Variants in TRIM5 observed in about 807,000 individuals in gnomAD.
TRIM5 encodes the protein tripartite motif containing 5.
TRIM5 carries 31 observed loss-of-function variants against 35.6 expected under a neutral mutation model. The observed-to-expected ratio is 0.87, with a 90% CI of 0.65 to 1.18. TRIM5 has a LOEUF of 1.18. Ranked by LOEUF, TRIM5 falls within the 50% of genes most tolerant of loss-of-function variation. The pLI is 0.00. For synonymous variants in TRIM5, 243 were observed against 215.6 expected (o/e 1.13, Z -1.11); for missense variants, 609 against 591.6 (o/e 1.03, Z -0.31).
At chr11:5,683,078 C>T (rs1187889756) in intron 1 of TRIM5, among the ~76,000 whole-genome samples, 1 of 152,246 alleles carries the variant, frequency 6.6e-6, no homozygotes, top group African/African-American at 2.4e-5. Context: ...CAGTGAGCGG[C>T]TTAGCACCTG....
At chr11:5,596,616 C>G in the TRIM5 span, 2 of 293,592 alleles carry the variant, frequency 6.8e-6, no homozygotes, top group South Asian at 7.5e-5. Context: ...ATCCCCCACC[C>G]CAGGCGGCCC....
Position 5,665,178 on chromosome 11 carries a change from C to A in TRIM5, c.1113G>T (p.Trp371Cys). The change falls in exon 8 of 8, where the codon TGG becomes TGT. Residue 371 changes from tryptophan to cysteine, a missense_variant. Physicochemically the swap from Trp to Cys is radical, Grantham distance 215 (BLOSUM62 -2). Coordinates refer to ENST00000380034, the MANE Select transcript of TRIM5 (RefSeq NM_033034.3). ...GGAAGCCAGCACATACCCCCAGGAT[C>A]CAAGCAGTTTTCTTGGACACGTCTA... ...WEVDVSKKTA[W>C]ILGVCAGFQP... 3.7e-6 allele frequency: 6 copies of A among 1,614,058 alleles called. No individual in the cohort carries two copies. Among genetic ancestry groups the A allele is most frequent in the Non-Finnish European group, 4.2e-6 (5 of 1,179,966 alleles).
intron 1 of TRIM5, among the ~76,000 whole-genome samples, chr11:5,681,690 C>T (rs995329984): frequency 1.5e-5 from 2 of 133,580 alleles, no homozygotes; most frequent in Non-Finnish European, 1.6e-5. Flanking sequence ...TCGATTCCTT[C>T]GTTATCTTGT....
At chr11:5,679,299 G>A (rs1297256036) in intron 2 of TRIM5, 130 bp from the exon 3 acceptor site, 1 of 782,102 alleles carries the variant, frequency 1.3e-6, no homozygotes, top group Admixed American at 2.3e-5. Context: ...ATGGCAATGA[G>A]AATCCATGAC....
the TRIM5 span, among the ~76,000 whole-genome samples, chr11:5,597,664 C>G: frequency 0.5 from 75,449 of 151,972 alleles, 19,153 homozygotes; most frequent in Middle Eastern, 0.71. Flanking sequence ...CTCTGTCATT[C>G]CTAACTCTGA....
the TRIM5 span, chr11:5,603,744 C>T: frequency 1.2e-6 from 2 of 1,611,686 alleles, no homozygotes; most frequent in Admixed American, 3.3e-5. Flanking sequence ...AGGTGAGACC[C>T]CAGGATGGAA....
At chr11:5,643,534 G>A in the TRIM5 span, 3 of 1,614,162 alleles carry the variant, frequency 1.9e-6, no homozygotes, top group Non-Finnish European at 2.5e-6. Flanking sequence ...GTGCCTCCCT[G>A]CCGTGTTGGG....
the TRIM5 span, among the ~76,000 whole-genome samples, chr11:5,623,370 T>A: frequency 1.3e-5 from 2 of 151,892 alleles, no homozygotes; most frequent in Admixed American, 6.6e-5. Flanking sequence ...TGTTTATTTT[T>A]ATTTTTTTAT....
At chr11:5,676,465 A>G (rs1406187099) in intron 4 of TRIM5, among the ~76,000 whole-genome samples, 1 of 152,236 alleles carries the variant, frequency 6.6e-6, no homozygotes, top group East Asian at 1.9e-4. Flanking sequence ...GAGGATACAA[A>G]CAAATGGAAG....
chr11:5,635,395 C>T, the TRIM5 span, among the ~76,000 whole-genome samples: 9 of 151,952 alleles, frequency 5.9e-5, no homozygotes, highest in Non-Finnish European at 2.9e-5. Context: ...GCTGGGACTA[C>T]AGGCACCCAC....
chr11:5,604,403 C>T, the TRIM5 span: 49 of 973,184 alleles, frequency 5.0e-5, no homozygotes, highest in Non-Finnish European at 6.6e-5. Flanking sequence ...TGTTGGCCCT[C>T]TCAAGTTTTC....
chr11:5,618,629 AAG>A, the TRIM5 span, among the ~76,000 whole-genome samples: 4 of 152,218 alleles, frequency 2.6e-5, no homozygotes, highest in Non-Finnish European at 5.9e-5. Flanking sequence ...AGGGTAAAAG[AAG>A]AGAGAAAATT....
chr11:5,638,559 G>C, the TRIM5 span, among the ~76,000 whole-genome samples: 1 of 152,232 alleles, frequency 6.6e-6, no homozygotes, highest in Non-Finnish European at 1.5e-5. Context: ...CAGTGGTGAT[G>C]ATGGGGGAAT....
At chr11:5,665,786 G>T in intron 6 of TRIM5, 104 bp from the exon 7 acceptor site, 1 of 1,445,050 alleles carries the variant, frequency 6.9e-7, no homozygotes, top group South Asian at 1.6e-5. Context: ...CCTATGGTAG[G>T]GCAGTAAATT....
At chr11:5,643,631 C>G in the TRIM5 span, 2 of 1,614,084 alleles carry the variant, frequency 1.2e-6, no homozygotes, top group East Asian at 4.5e-5. Flanking sequence ...CTAAATGTTG[C>G]TTTTCTCAGC....
chr11:5,615,931 T>TGA, the TRIM5 span, among the ~76,000 whole-genome samples: 1 of 134,096 alleles, frequency 7.5e-6, no homozygotes, highest in Non-Finnish European at 1.6e-5. Context: ...ACATATCTTT[T>TGA]CATTTTTTTT....
chr11:5,634,995 T>C, the TRIM5 span: 2 of 839,868 alleles, frequency 2.4e-6, no homozygotes, highest in Non-Finnish European at 3.5e-6. Context: ...CTAGATGTCA[T>C]GGACATGAAT....
the TRIM5 span, among the ~76,000 whole-genome samples, chr11:5,598,474 A>C: frequency 1.3e-5 from 2 of 152,352 alleles, no homozygotes; most frequent in African/African-American, 4.8e-5. Flanking sequence ...GAATGAAGCC[A>C]CATATGTAAT....
the TRIM5 span, among the ~76,000 whole-genome samples, chr11:5,620,599 T>C: frequency 1.3e-5 from 2 of 152,182 alleles, no homozygotes; most frequent in Non-Finnish European, 2.9e-5. Context: ...TCTACTTCTG[T>C]AGTAATTCTC....
Sources: allele counts gnomAD v4.1 joint callset (sites outside exome capture counted in the v4.1 genomes callset), GRCh38; gene constraint gnomAD v4.1.1; transcripts MANE v1.5; gene names NCBI Gene and HGNC (gene_info 2026-07-23, HGNC 2026-07-21).